The following PSD3 variants were observed in gnomAD, a reference collection of about 807,000 sequenced individuals.
The protein encoded by PSD3 is PH and SEC7 domain-containing protein 3.
In PSD3, 49 loss-of-function variants were observed where a neutral mutation model predicts 105.5. The ratio of observed to expected loss-of-function variants is 0.46; its 90% confidence interval spans 0.37 to 0.59. The LOEUF is 0.59. Among genes scored for constraint, PSD3 ranks in the 20% least tolerant of loss-of-function variants. The probability of loss-of-function intolerance (pLI) is 0.00; values close to 1 mark genes in which losing one functional copy is unlikely to be tolerated. For missense variants in PSD3, 1,561 were observed against 1,263.8 expected (o/e 1.24, Z -3.57); for synonymous variants, 557 against 457.8 (o/e 1.22, Z -2.77).
chr8:18,769,653 G>C (rs569856434), intron 8 of PSD3, among the ~76,000 whole-genome samples: 1 of 152,230 alleles, frequency 6.6e-6, no homozygotes. Context: ...CCTCACTAGG[G>C]ACCACCTGGC....
At chr8:18,855,558 A>C (rs1057177674) in intron 4 of PSD3, among the ~76,000 whole-genome samples, 3 of 152,230 alleles carry the variant, frequency 2.0e-5, no homozygotes, top group African/African-American at 7.2e-5. Flanking sequence ...GAAAGGGACA[A>C]TCTAGAAATA....
chr8:19,029,408 C>T (rs111268774), intron 1 of PSD3, among the ~76,000 whole-genome samples: 5,308 of 152,106 alleles, frequency 0.035, 132 homozygotes, highest in Non-Finnish European at 0.055. Context: ...AAAGACATAC[C>T]CGAGACTGGG....
intron 4 of PSD3, among the ~76,000 whole-genome samples, chr8:18,833,526 T>C (rs1445184905): frequency 6.6e-6 from 1 of 152,200 alleles, no homozygotes; most frequent in Middle Eastern, 3.2e-3. Context: ...CCAGAAAGAC[T>C]GATAAATGAG....
At chr8:18,997,997 TTTTA>T (rs1201839309) in intron 1 of PSD3, among the ~76,000 whole-genome samples, 2 of 152,008 alleles carry the variant, frequency 1.3e-5, no homozygotes, top group Non-Finnish European at 2.9e-5. Flanking sequence ...CTTTTTTAAT[TTTTA>T]TTTTACTTAT....
chr8:18,867,614 C>T, intron 4 of PSD3, 60 bp downstream of exon 4: 1 of 1,519,976 alleles, frequency 6.6e-7, no homozygotes, highest in Non-Finnish European at 8.8e-7. Flanking sequence ...ACTCAGATTT[C>T]CCAGAAAAGA....
At chr8:18,789,368 A>G (rs990827456) in intron 8 of PSD3, among the ~76,000 whole-genome samples, 3 of 152,220 alleles carry the variant, frequency 2.0e-5, no homozygotes, top group African/African-American at 7.2e-5. Flanking sequence ...ATATAAAAAG[A>G]CTAGCAACAA....
intron 4 of PSD3, among the ~76,000 whole-genome samples, chr8:18,853,621 G>A (rs1257305186): frequency 1.3e-5 from 2 of 152,110 alleles, no homozygotes; most frequent in African/African-American, 2.4e-5. Context: ...GAATTCTAAG[G>A]TGAATCACCT....
chr8:18,639,984 C>G lies in PSD3; in HGVS notation c.2217-7178G>C, dbSNP rs187805209. ...TCATATGTAAAATTTGAAGCTTGCTCTAAGTCAGTAAATACAAGCCATGCA... is the reference window on the plus strand; with the variant it reads ...TCATATGTAAAATTTGAAGCTTGCTGTAAGTCAGTAAATACAAGCCATGCA... On this transcript the variant is annotated intron_variant, in intron 10 of 15. Coordinates refer to ENST00000327040, the MANE Select transcript of PSD3 (RefSeq NM_015310.4). 7.9e-5 allele frequency among the ~76,000 whole-genome samples: 12 copies of G among 152,242 alleles called. No individual in the cohort carries two copies. In the East Asian group the frequency reaches 1.9e-3, roughly 25 times the overall value.
chr8:18,746,514 G>T (rs1565137), intron 9 of PSD3, among the ~76,000 whole-genome samples: 136,455 of 152,208 alleles, frequency 0.9, 61,616 homozygotes, highest in Non-Finnish European at 0.93. Flanking sequence ...GAGGTCCAGG[G>T]GGGGTGTTGC....
At chr8:18,663,740 A>G (rs1809523212) in intron 9 of PSD3, among the ~76,000 whole-genome samples, 1 of 152,224 alleles carries the variant, frequency 6.6e-6, no homozygotes, top group Non-Finnish European at 1.5e-5. Flanking sequence ...TTTGTAGAGT[A>G]AAGGTTTTAA....
intron 9 of PSD3, among the ~76,000 whole-genome samples, chr8:18,680,805 T>C (rs985488336): frequency 6.6e-6 from 1 of 152,184 alleles, no homozygotes; most frequent in Non-Finnish European, 1.5e-5. Context: ...ATATGAACCA[T>C]AAAGTACTGG....
intron 10 of PSD3, among the ~76,000 whole-genome samples, chr8:18,633,378 A>C (rs1807034544): frequency 6.6e-6 from 1 of 152,092 alleles, no homozygotes; most frequent in Non-Finnish European, 1.5e-5. Flanking sequence ...GATGCCAGGC[A>C]CAGTGCTTTG....
rs192691241 is a variant in PSD3, at chr8:18,603,547, T to G, written c.2411-3113A>C. On this transcript the variant is annotated intron_variant, in intron 11 of 15. Coordinates refer to ENST00000327040, the MANE Select transcript of PSD3 (RefSeq NM_015310.4). ...AAATTCCAAGTTGATAACTGCTTTT[T>G]CTTATGAAGACATTATTTCACTATC... 4.4e-4 allele frequency among the ~76,000 whole-genome samples: 67 copies of G among 152,340 alleles called. No homozygotes were observed. In the East Asian group the frequency reaches 0.011, roughly 25 times the overall value.
chr8:18,954,383 GAA>G lies in PSD3; in HGVS notation c.22-18243_22-18242del, dbSNP rs77044516. ...TGTAACTAAAATTTAATTTTTATAA[GAA>G]AAAAAAAGAGTAGTATGGAAAAAGT... On this transcript the variant is annotated intron_variant, in intron 1 of 15. Transcript: ENST00000327040. Among the ~76,000 whole-genome samples, 167 of 151,062 alleles carry G rather than the reference GAA, an allele frequency of 1.1e-3. 2 individuals carry two copies. The highest frequency in any genetic ancestry group is 8.2e-3 in the East Asian group (42 of 5,134).
At chr8:19,005,916 C>T (rs1451838385) in intron 1 of PSD3, among the ~76,000 whole-genome samples, 1 of 151,806 alleles carries the variant, frequency 6.6e-6, no homozygotes, top group Non-Finnish European at 1.5e-5. Flanking sequence ...ATGTGAATAT[C>T]TCAATAAAGT....
At chr8:18,611,452 C>G (rs1805258058) in intron 11 of PSD3, among the ~76,000 whole-genome samples, 1 of 152,040 alleles carries the variant, frequency 6.6e-6, no homozygotes, top group Admixed American at 6.6e-5. Flanking sequence ...CATTTTAGAA[C>G]CAGAGAACCT....
chr8:18,815,196 C>A (rs1474138226), intron 4 of PSD3, among the ~76,000 whole-genome samples: 1 of 152,182 alleles, frequency 6.6e-6, no homozygotes, highest in Non-Finnish European at 1.5e-5. Flanking sequence ...TCTTCTAACT[C>A]TTCCATCTTC....
chr8:18,820,792 C>T (rs12544633), intron 4 of PSD3, among the ~76,000 whole-genome samples: 55,610 of 152,048 alleles, frequency 0.37, 11,236 homozygotes, highest in Middle Eastern at 0.49. Context: ...GAGACAGCAT[C>T]CTGCTCTATC....
intron 2 of PSD3, among the ~76,000 whole-genome samples, chr8:18,928,171 G>A (rs168023): frequency 0.31 from 46,573 of 152,028 alleles, 7,758 homozygotes; most frequent in East Asian, 0.55. Context: ...CAAGGGCGGC[G>A]CCAGGTGGAG....
Sources: allele counts gnomAD v4.1 joint callset (sites outside exome capture counted in the v4.1 genomes callset), GRCh38; gene constraint gnomAD v4.1.1; transcripts MANE v1.5; gene names NCBI Gene and HGNC (gene_info 2026-07-23, HGNC 2026-07-21).